Variants in ALLC observed in about 807,000 individuals in gnomAD.
ALLC encodes allantoicase, also known as probable inactive allantoicase.
A neutral mutation model predicts 45.0 loss-of-function variants in ALLC; 40 were observed. The ratio of observed to expected loss-of-function variants is 0.89; its 90% confidence interval spans 0.69 to 1.16. The LOEUF (loss-of-function observed/expected upper bound fraction) is 1.16, where lower values mean the gene tolerates loss of function less well. Among genes scored for constraint, ALLC ranks in the 50% most tolerant of loss-of-function variants. The probability of loss-of-function intolerance (pLI) is 0.00; values close to 1 mark genes in which losing one functional copy is unlikely to be tolerated. For synonymous variants in ALLC, 176 were observed against 178.1 expected, an observed-to-expected ratio of 0.99 and a Z score of 0.09; for missense variants, 488 against 493.1, an observed-to-expected ratio of 0.99 and a Z score of 0.10.
chr2:3,701,769 T>A, intron 11 of ALLC, 133 bp downstream of exon 11: 1 of 1,110,846 alleles, frequency 9.0e-7, no homozygotes, highest in Non-Finnish European at 1.2e-6. Context: ...TTAAAACCCC[T>A]ATCTGCAAAC....
At chr2:3,663,744 T>C (rs1666630775) in intron 1 of ALLC, among the ~76,000 whole-genome samples, 1 of 152,190 alleles carries the variant, frequency 6.6e-6, no homozygotes, top group Admixed American at 6.5e-5. Context: ...AAAATTGATA[T>C]TACCTCTAAG....
chr2:3,696,620 G>A (rs550717228), intron 9 of ALLC, among the ~76,000 whole-genome samples: 5 of 152,276 alleles, frequency 3.3e-5, no homozygotes, highest in South Asian at 2.1e-4. Flanking sequence ...AAGGAGCTGC[G>A]ATTTAATAAT....
In ALLC at chr2:3,671,036, A is replaced by T. The variant is rs1666854608; in HGVS notation, c.-62-60A>T. ...TCAAATCTTAGCGTCAGGAGCCTAG[A>T]CGGGGCCTCACTCACTCCCGCAGCC... On this transcript the variant is annotated intron_variant, in intron 1 of 11. Transcript: ENST00000252505. 6.8e-5 allele frequency: 65 copies of T among 950,616 alleles called. 1 individual carries two copies. The South Asian group carries it at 9.4e-4, about 14-fold the overall frequency. 58.9% of individuals were successfully genotyped at this position (950,616 alleles called of 1,614,324 possible). A position where few individuals can be genotyped will look rare whatever the true frequency, so the allele number is the denominator to read the frequency against.
chr2:3,688,633 T>C, intron 7 of ALLC: 1 of 185,802 alleles, frequency 5.4e-6, no homozygotes, highest in South Asian at 9.7e-5. Context: ...AGATGGTGGC[T>C]CTTTTGGCTT....
At chr2:3,655,186 G>A (rs552616265), upstream of ALLC, among the ~76,000 whole-genome samples, 1 of 152,380 alleles carries the variant, frequency 6.6e-6, no homozygotes, top group Non-Finnish European at 1.5e-5. Context: ...AGAAAAGGCA[G>A]GGGCAGGGGT....
At chr2:3,676,780 T>TTC (rs113394246) in intron 3 of ALLC, among the ~76,000 whole-genome samples, 28,566 of 151,098 alleles carry the variant, frequency 0.19, 2,760 homozygotes, top group Middle Eastern at 0.27. Flanking sequence ...AGTCCTTGGT[T>TTC]TCTCTCTCTC....
chr2:3,653,255 T>A (rs1402013250), upstream of ALLC, among the ~76,000 whole-genome samples: 3 of 152,252 alleles, frequency 2.0e-5, no homozygotes, highest in Non-Finnish European at 1.5e-5. The surrounding 1 kb of genome is among the most constrained non-coding windows in gnomAD (Gnocchi z 4.1). Context: ...GGAAATAGAC[T>A]CTGCCCATGA....
intron 7 of ALLC, among the ~76,000 whole-genome samples, chr2:3,694,027 A>G (rs919403303): frequency 1.3e-5 from 2 of 152,178 alleles, no homozygotes; most frequent in African/African-American, 2.4e-5. Context: ...AAACTGCAAA[A>G]TAGTGATACA....
In ALLC at chr2:3,678,571, C is replaced by A. The variant is rs764556912; in HGVS notation, c.172+16C>A. ...AGGATTCCAGGTAATAACAACGGTTCGTTCATCGAAGTGCAGCTGACACTG... is the reference window on the plus strand; with the variant it reads ...AGGATTCCAGGTAATAACAACGGTTAGTTCATCGAAGTGCAGCTGACACTG... On this transcript the variant is annotated intron_variant, in intron 4 of 11. Transcript: ENST00000252505. 1.2e-6 allele frequency: 2 copies of A among 1,608,432 alleles called. No individual in the cohort carries two copies. The highest frequency in any genetic ancestry group is 3.3e-5 in the Admixed American group (2 of 59,960).
chr2:3,695,774 C>A lies in ALLC; in HGVS notation c.569C>A (p.Thr190Asn). 3 of 1,614,024 alleles carry A rather than the reference C, an allele frequency of 1.9e-6. No homozygotes were observed. In the South Asian group the frequency reaches 3.3e-5, roughly 18 times the overall value. ...ACTGGACAAAAAGACTGGACTGCAA[C>A]TGACCCCAAAGAACCTGCAGACCTA... ...FGTGQKDWTA[T>N]DPKEPADLVA... Residue 190 changes from threonine (T) to asparagine (N), a missense_variant, in exon 8 of 12, where the codon ACT (threonine) becomes AAT (asparagine). Thr to Asn is a moderately conservative substitution (Grantham distance 65, BLOSUM62 0). Transcript: ENST00000252505.
chr2:3,682,647 T>C (rs979447212), intron 6 of ALLC, among the ~76,000 whole-genome samples: 8 of 152,150 alleles, frequency 5.3e-5, no homozygotes, highest in African/African-American at 1.9e-4. Flanking sequence ...TGCCTCAGCC[T>C]CCCGAGTAGC....
the ALLC span, among the ~76,000 whole-genome samples, chr2:3,650,057 C>T: frequency 1.8e-3 from 268 of 152,360 alleles, no homozygotes; most frequent in African/African-American, 4.2e-3. Context: ...GGCACGGAGC[C>T]GTCATCTGTG....
upstream of ALLC, among the ~76,000 whole-genome samples, chr2:3,654,472 G>A (rs893942666): frequency 1.8e-4 from 27 of 152,270 alleles, no homozygotes; most frequent in Admixed American, 1.8e-3. Context: ...GCCAGGAGGT[G>A]AGGATTGCTG....
the ALLC span, among the ~76,000 whole-genome samples, chr2:3,647,142 C>T: frequency 6.6e-6 from 1 of 152,134 alleles, no homozygotes; most frequent in Non-Finnish European, 1.5e-5. Context: ...AGACAGGCTG[C>T]AGGGGTTGCG....
intron 7 of ALLC, among the ~76,000 whole-genome samples, chr2:3,686,333 T>C (rs1667333815): frequency 6.6e-6 from 1 of 151,106 alleles, no homozygotes. Flanking sequence ...TCTGTTTTTA[T>C]GCCATAACCA....
intron 7 of ALLC, among the ~76,000 whole-genome samples, chr2:3,693,269 GCCAGAAGTGGTTCT>G (rs903989348): frequency 2.0e-5 from 3 of 152,142 alleles, no homozygotes; most frequent in African/African-American, 4.8e-5. Flanking sequence ...CTGCTGTCAT[GCCAGAAGTGGTTCT>G]CTGGAACCTT....
intron 7 of ALLC, 119 bp from the exon 8 acceptor site, chr2:3,695,598 G>T: frequency 1.8e-6 from 2 of 1,102,686 alleles, no homozygotes; most frequent in Non-Finnish European, 2.7e-6. Flanking sequence ...AGAAACAGCA[G>T]GTGGGTGTGG....
intron 10 of ALLC, among the ~76,000 whole-genome samples, chr2:3,700,857 A>G (rs1316283559): frequency 1.3e-5 from 2 of 152,176 alleles, no homozygotes; most frequent in African/African-American, 4.8e-5. Context: ...GTTCTTGATT[A>G]GCAGCTCCTC....
Position 3,681,638 on chromosome 2 carries a change from A to G in ALLC, c.303A>G (p.Lys101=). ...SIQAANLEED[K]LPEIPERGTR... is the part of the protein sequence containing the mutation. ...GAATGGTCATTCCAACTACAGATAA[A>G]CTACCAGAAATCCCAGAAAGAGGAA... The change falls in exon 6 of 12, where the codon AAA becomes AAG. Residue 101 remains lysine, a synonymous_variant. Transcript: ENST00000252505. The G allele has an allele frequency of 1.2e-6, 2 of 1,608,772 alleles. No homozygotes were observed. Among genetic ancestry groups the G allele is most frequent in the Non-Finnish European group, 1.7e-6 (2 of 1,177,100 alleles).
Sources: gnomAD v4.1 joint callset for allele counts (sites outside exome capture counted in the v4.1 genomes callset) on GRCh38, gnomAD v4.1.1 for gene constraint, Gnocchi (gnomAD v3.1) non-coding constraint, MANE v1.5 for transcripts, NCBI Gene and HGNC (gene_info 2026-07-23, HGNC 2026-07-21) for gene names.